SOX5: variants seen among roughly 807,000 people sequenced by gnomAD.
SOX5 encodes the protein SRY-box transcription factor 5, also known as transcription factor SOX-5.
In SOX5, 9 loss-of-function variants were observed where a neutral mutation model predicts 92.0. The observed-to-expected ratio is 0.10, with a 90% CI of 0.06 to 0.17. The LOEUF is 0.17. Ranked by LOEUF, SOX5 falls within the 10% of genes least tolerant of loss-of-function variation. The pLI is 1.00. For synonymous variants in SOX5, 344 were observed against 336.3 expected (o/e 1.02, Z -0.25); for missense variants, 642 against 944.5 (o/e 0.68, Z 4.20).
At chr12:24,450,735 C>T (rs1225818771) in intron 1 of SOX5, among the ~76,000 whole-genome samples, 1 of 151,882 alleles carries the variant, frequency 6.6e-6, no homozygotes, top group Non-Finnish European at 1.5e-5. Flanking sequence ...AAGTGATCCA[C>T]CCACCTTGGC....
intron 4 of SOX5, among the ~76,000 whole-genome samples, chr12:24,004,821 G>C (rs945463655): frequency 7.9e-5 from 12 of 152,024 alleles, no homozygotes; most frequent in African/African-American, 2.9e-4. Context: ...GAATGTCATA[G>C]CAGCATTAGT....
rs373524151 is a variant in SOX5, at chr12:23,751,314, G to A, written c.568+4324C>T. ...TGTAATAATAACAAGATTACTATTC[G>A]TAAACCACATGATTCTTAAATCTTT... On this transcript the variant is annotated intron_variant, in intron 4 of 14. Coordinates refer to ENST00000451604, the MANE Select transcript of SOX5 (RefSeq NM_006940.6). 4.6e-5 allele frequency among the ~76,000 whole-genome samples: 7 copies of A among 151,832 alleles called. No homozygotes were observed. In the East Asian group the frequency reaches 1.2e-3, roughly 25 times the overall value.
rs199661908 is a variant in SOX5 at position 24,307,189 on chromosome 12, G to A, written c.-173-29877C>T. On this transcript the variant is annotated intron_variant, in intron 2 of 4. Coordinates refer to the SOX5 transcript ENST00000446891. ...TTGTGCAAGAACTTTCACACACGTC[G>A]TCTCATTTCATCCCCACCAGGGTCC... Among the ~76,000 whole-genome samples, 31 of 152,166 alleles carry A rather than the reference G, an allele frequency of 2.0e-4. No individual in the cohort carries two copies. In the East Asian group the frequency reaches 3.9e-3, roughly 19 times the overall value.
At chr12:24,346,454 T>C (rs1422313144) in intron 2 of SOX5, among the ~76,000 whole-genome samples, 6 of 90,966 alleles carry the variant, frequency 6.6e-5, no homozygotes, top group African/African-American at 2.1e-4. Context: ...TTTGGAGTAC[T>C]TTTTTTTTTT....
At chr12:23,620,768 T>G (rs1368521388) in intron 8 of SOX5, among the ~76,000 whole-genome samples, 7 of 152,120 alleles carry the variant, frequency 4.6e-5, no homozygotes, top group Non-Finnish European at 1.0e-4. Flanking sequence ...CATTTTCAAT[T>G]GCACAGGACC....
intron 4 of SOX5, among the ~76,000 whole-genome samples, chr12:24,153,143 T>C (rs1349679135): frequency 6.6e-6 from 1 of 152,134 alleles, no homozygotes; most frequent in Non-Finnish European, 1.5e-5. Context: ...AACCTCCCAT[T>C]GTGCTTTCAA....
chr12:24,396,816 T>G (rs925874871), intron 1 of SOX5, among the ~76,000 whole-genome samples: 1 of 152,210 alleles, frequency 6.6e-6, no homozygotes, highest in Non-Finnish European at 1.5e-5. Flanking sequence ...AACAGAGTGT[T>G]TTTGTGGTGA....
chr12:23,567,759 A>G (rs1287730192), intron 10 of SOX5, among the ~76,000 whole-genome samples: 1 of 152,128 alleles, frequency 6.6e-6, no homozygotes, highest in East Asian at 1.9e-4. Flanking sequence ...CCTGGCCTGC[A>G]ATTTGATGTT....
rs528645274 is a variant in SOX5, at chr12:23,769,201, A to C, written c.482-13477T>G. On this transcript the variant is annotated intron_variant, in intron 3 of 14. Transcript: ENST00000451604. ...CCAAACATGTGAAGAGTTCTGTGCC[A>C]AATGAAGGTGTTTAAAAACTAAACC... 1.2e-4 allele frequency among the ~76,000 whole-genome samples: 18 copies of C among 152,286 alleles called. No individual in the cohort carries two copies. In the East Asian group the frequency reaches 3.5e-3, roughly 29 times the overall value.
Position 24,074,483 on chromosome 12 carries a change from A to G in SOX5, c.-2+138860T>C, listed in dbSNP as rs138256604. ...AACATTGCTGTACATTTTAGTACCT[A>G]TTTGATTAATGACAAGAGTAGTGAC... On this transcript the variant is annotated intron_variant, in intron 4 of 4. Coordinates refer to the SOX5 transcript ENST00000446891. Among the ~76,000 whole-genome samples the G allele has an allele frequency of 9.9e-5, 15 of 152,194 alleles. No homozygotes were observed. In the East Asian group the frequency reaches 2.9e-3, roughly 29 times the overall value.
chr12:23,673,071 T>C (rs1416068739), intron 6 of SOX5, among the ~76,000 whole-genome samples: 1 of 152,124 alleles, frequency 6.6e-6, no homozygotes, highest in Non-Finnish European at 1.5e-5. Flanking sequence ...TTGCTAATCA[T>C]AGAAACTTAA....
intron 1 of SOX5, among the ~76,000 whole-genome samples, chr12:24,464,811 C>T (rs969650580): frequency 6.6e-6 from 1 of 152,180 alleles, no homozygotes; most frequent in African/African-American, 2.4e-5. Context: ...ACAGTTATTA[C>T]ATAGTAAGAA....
chr12:23,924,917 A>C (rs1939510494), intron 1 of SOX5, among the ~76,000 whole-genome samples: 2 of 151,822 alleles, frequency 1.3e-5, no homozygotes, highest in African/African-American at 4.8e-5. Flanking sequence ...TTAATAGAAA[A>C]CCCAACTTTG....
chr12:23,956,277 A>AT (rs1326210967), intron 4 of SOX5, among the ~76,000 whole-genome samples: 1 of 88,218 alleles, frequency 1.1e-5, no homozygotes, highest in African/African-American at 3.8e-5. Context: ...GGCTAAGCTG[A>AT]AAGTTAGGAA....
chr12:23,782,339 C>G (rs149394603), intron 3 of SOX5, among the ~76,000 whole-genome samples: 1 of 152,102 alleles, frequency 6.6e-6, no homozygotes, highest in Admixed American at 6.5e-5. Flanking sequence ...AATACAATTA[C>G]CTAATAAAGA....
At chr12:24,557,255 G>A (rs544147333) in intron 1 of SOX5, among the ~76,000 whole-genome samples, 80 of 151,952 alleles carry the variant, frequency 5.3e-4, no homozygotes, top group African/African-American at 1.7e-3. Flanking sequence ...GGGTGTGGCC[G>A]CGCATGCCTG....
chr12:23,972,009 A>G (rs953507786), intron 4 of SOX5, among the ~76,000 whole-genome samples: 3 of 152,214 alleles, frequency 2.0e-5, no homozygotes, highest in East Asian at 3.8e-4. Context: ...TGTAGTATCC[A>G]TTTGGGCATT....
rs546319124 is a variant in SOX5, at chr12:24,040,747, C to T, written c.-1-144723G>A. On this transcript the variant is annotated intron_variant, in intron 4 of 4. Transcript: ENST00000446891. ...AGTTAGCCGGGCGTGGTGGCGGGCG[C>T]CTGTAGTCCCAGTTCCTCGGGAGGC... Among the ~76,000 whole-genome samples, 5 of 152,242 alleles carry T rather than the reference C, an allele frequency of 3.3e-5. No individual in the cohort carries two copies. The South Asian group carries it at 1.0e-3, about 32-fold the overall frequency.
At chr12:23,787,867 A>G (rs996496809) in intron 3 of SOX5, among the ~76,000 whole-genome samples, 5 of 151,940 alleles carry the variant, frequency 3.3e-5, no homozygotes, top group African/African-American at 2.4e-5. Flanking sequence ...TTACACATCA[A>G]CTTTAGCAGA....
Sources: allele counts gnomAD v4.1 joint callset (sites outside exome capture counted in the v4.1 genomes callset), GRCh38; gene constraint gnomAD v4.1.1; transcripts MANE v1.5; gene names NCBI Gene and HGNC (gene_info 2026-07-23, HGNC 2026-07-21).